Variants in SNTG1 observed in about 807,000 individuals in gnomAD.
SNTG1 encodes syntrophin gamma 1, also known as gamma-1-syntrophin.
Under a neutral mutation model 74.7 loss-of-function variants are expected in SNTG1, and 39 were observed. The observed-to-expected ratio is 0.52, with a 90% CI of 0.40 to 0.68. The LOEUF is 0.68. Among genes scored for constraint, SNTG1 ranks in the 30% least tolerant of loss-of-function variants. The probability of loss-of-function intolerance (pLI) is 0.00; values close to 1 mark genes in which losing one functional copy is unlikely to be tolerated. For synonymous variants in SNTG1, 254 were observed against 217.1 expected (o/e 1.17, Z -1.49); for missense variants, 685 against 609.5 (o/e 1.12, Z -1.30).
chr8:49,966,336 T>C (rs1811135930), intron 1 of SNTG1, among the ~76,000 whole-genome samples: 1 of 152,068 alleles, frequency 6.6e-6, no homozygotes, highest in Admixed American at 6.6e-5. Context: ...TAGTTACCAT[T>C]TTTGTTTTTC....
chr8:50,429,977 G>T (rs77364728), intron 4 of SNTG1, among the ~76,000 whole-genome samples: 3,808 of 152,170 alleles, frequency 0.025, 68 homozygotes, highest in South Asian at 0.08. Context: ...AGAATATGGA[G>T]AAATTGAAAT....
At chr8:50,385,221 C>T (rs537085260) in intron 2 of SNTG1, among the ~76,000 whole-genome samples, 67 of 152,180 alleles carry the variant, frequency 4.4e-4, no homozygotes, top group Admixed American at 1.3e-3. Context: ...CTGTTCTGGA[C>T]CCCACTTGAA....
chr8:50,002,476 G>A (rs1814832456), intron 1 of SNTG1, among the ~76,000 whole-genome samples: 1 of 151,976 alleles, frequency 6.6e-6, no homozygotes, highest in Non-Finnish European at 1.5e-5. Flanking sequence ...TTTATAATAT[G>A]AACAGTCATT....
In SNTG1 at chr8:50,244,159, A is replaced by T. The variant is rs138052773; in HGVS notation, c.-28+71524A>T. Among the ~76,000 whole-genome samples the T allele has an allele frequency of 2.2e-3, 330 of 152,170 alleles. 1 individual carries two copies. The highest frequency in any genetic ancestry group is 7.4e-3 in the African/African-American group (308 of 41,508). ...AGCAAGAGACAAGAGAGTAGTGGGA[A>T]GGGGAGTACCATAATTTACAACACG... On this transcript the variant is annotated intron_variant, in intron 2 of 18. Coordinates refer to ENST00000642720, the MANE Select transcript of SNTG1 (RefSeq NM_018967.5).
chr8:50,523,992 CACTT>C (rs1038438566), intron 9 of SNTG1, among the ~76,000 whole-genome samples: 27 of 152,216 alleles, frequency 1.8e-4, no homozygotes, highest in Admixed American at 5.2e-4. Context: ...GATAGGGAAA[CACTT>C]ACTGCTGTCA....
intron 1 of SNTG1, among the ~76,000 whole-genome samples, chr8:49,987,318 T>G (rs1477854851): frequency 6.6e-6 from 1 of 152,112 alleles, no homozygotes; most frequent in African/African-American, 2.4e-5. Context: ...AGAATGGCAA[T>G]GTGAAACAAC....
intron 1 of SNTG1, among the ~76,000 whole-genome samples, chr8:50,044,350 A>G (rs1818895193): frequency 6.6e-6 from 1 of 152,218 alleles, no homozygotes; most frequent in South Asian, 2.1e-4. Flanking sequence ...AGAGGGAATC[A>G]CAAGACCTGC....
At chr8:50,713,454 C>T (rs1422895648) in intron 17 of SNTG1, among the ~76,000 whole-genome samples, 2 of 152,134 alleles carry the variant, frequency 1.3e-5, no homozygotes, top group South Asian at 2.1e-4. Context: ...CTATAGGTTG[C>T]CTGTTCACTC....
At chr8:50,010,785 C>CTTTTTT (rs774350614) in intron 1 of SNTG1, among the ~76,000 whole-genome samples, 8 of 89,120 alleles carry the variant, frequency 9.0e-5, no homozygotes, top group East Asian at 3.3e-4. Context: ...ACAGGCCTCT[C>CTTTTTT]TTTTTTTTTT....
chr8:50,163,032 A>G (rs1035524692), intron 1 of SNTG1, among the ~76,000 whole-genome samples: 6 of 152,192 alleles, frequency 3.9e-5, no homozygotes, highest in African/African-American at 1.2e-4. Flanking sequence ...TCATGGTTCC[A>G]GTCTTTTCCC....
At chr8:49,938,659 TC>T (rs1808402118) in intron 1 of SNTG1, among the ~76,000 whole-genome samples, 1 of 81,354 alleles carries the variant, frequency 1.2e-5, no homozygotes, top group African/African-American at 3.8e-5. Context: ...TCTCTCTCTC[TC>T]TTCCTTCCTT....
intron 13 of SNTG1, among the ~76,000 whole-genome samples, chr8:50,607,258 A>G (rs1005899487): frequency 5.3e-5 from 8 of 151,756 alleles, no homozygotes; most frequent in Non-Finnish European, 1.0e-4. Flanking sequence ...CGCTTCCTAA[A>G]TTTTCTGGAG....
intron 8 of SNTG1, among the ~76,000 whole-genome samples, chr8:50,472,552 TA>T (rs1017383370): frequency 6.6e-6 from 1 of 151,964 alleles, no homozygotes; most frequent in Non-Finnish European, 1.5e-5. Flanking sequence ...TAATAAGACC[TA>T]AAAAAATACT....
chr8:50,704,130 A>G (rs1233318050), intron 15 of SNTG1, among the ~76,000 whole-genome samples: 1 of 152,122 alleles, frequency 6.6e-6, no homozygotes, highest in Non-Finnish European at 1.5e-5. Context: ...TTTAAGCAAT[A>G]TTATTGCTGT....
intron 2 of SNTG1, among the ~76,000 whole-genome samples, chr8:50,381,417 A>C (rs1736406525): frequency 6.6e-6 from 1 of 151,372 alleles, no homozygotes; most frequent in Non-Finnish European, 1.5e-5. Flanking sequence ...GAAAAAAAGT[A>C]ATATGGGAAG....
chr8:50,157,863 A>C (rs2082301160), intron 1 of SNTG1, among the ~76,000 whole-genome samples: 1 of 152,180 alleles, frequency 6.6e-6, no homozygotes, highest in African/African-American at 2.4e-5. Context: ...AAAAGTAGTT[A>C]CCAAACCTAG....
intron 1 of SNTG1, among the ~76,000 whole-genome samples, chr8:49,993,321 T>A (rs1189261591): frequency 6.6e-6 from 1 of 151,822 alleles, no homozygotes; most frequent in East Asian, 1.9e-4. Flanking sequence ...TTTTCAGTAA[T>A]AGCTTTTATT....
In SNTG1 at chr8:50,728,084, A is replaced by G. The variant is rs144664642; in HGVS notation, c.1284+19106A>G. Among the ~76,000 whole-genome samples, 10 of 152,194 alleles carry G rather than the reference A, an allele frequency of 6.6e-5. No homozygotes were observed. In the East Asian group the frequency reaches 1.9e-3, roughly 30 times the overall value. On this transcript the variant is annotated intron_variant, in intron 17 of 18. Coordinates refer to ENST00000642720, the MANE Select transcript of SNTG1 (RefSeq NM_018967.5). ...GCAGCTGGGAAAGGTGATAGCTGCA[A>G]CCTGTCCTAAATCCACCTCTTCGTT...
At chr8:50,350,606 G>T (rs1409277672) in intron 2 of SNTG1, among the ~76,000 whole-genome samples, 1 of 150,750 alleles carries the variant, frequency 6.6e-6, no homozygotes, top group Non-Finnish European at 1.5e-5. Flanking sequence ...ACACCAATCG[G>T]CACTCTGTAT....
Sources: allele counts gnomAD v4.1 joint callset (sites outside exome capture counted in the v4.1 genomes callset), GRCh38; gene constraint gnomAD v4.1.1; transcripts MANE v1.5; gene names NCBI Gene and HGNC (gene_info 2026-07-23, HGNC 2026-07-21).